Variants in TOP6BL observed in about 807,000 individuals in gnomAD.
TOP6BL encodes the protein TOP6B like initiator of meiotic double strand breaks.
At chr11:66,761,665 T>G in the TOP6BL span, 1 of 1,068,568 alleles carries the variant, frequency 9.4e-7, no homozygotes, top group Non-Finnish European at 1.4e-6. Context: ...CCAACTCATC[T>G]GCAAAAATGT....
the TOP6BL span, among the ~76,000 whole-genome samples, chr11:66,829,888 A>AAAAT: frequency 5.3e-5 from 8 of 152,220 alleles, no homozygotes; most frequent in South Asian, 6.2e-4. Flanking sequence ...CCCTGCCTCA[A>AAAAT]AAATAAATAA....
chr11:66,789,334 C>T, the TOP6BL span, among the ~76,000 whole-genome samples: 1 of 152,174 alleles, frequency 6.6e-6, no homozygotes, highest in East Asian at 1.9e-4. Context: ...ATTCTCCATT[C>T]CCTTTAACAG....
the TOP6BL span, among the ~76,000 whole-genome samples, chr11:66,840,509 T>C: frequency 9.9e-5 from 15 of 152,252 alleles, no homozygotes; most frequent in African/African-American, 3.6e-4. Flanking sequence ...CAAGCTCTCA[T>C]TTCATCAGAA....
chr11:66,797,385 T>A, the TOP6BL span, among the ~76,000 whole-genome samples: 2 of 152,200 alleles, frequency 1.3e-5, no homozygotes, highest in African/African-American at 4.8e-5. Flanking sequence ...CACTTTTTTT[T>A]ATTGCTTTAT....
At chr11:66,776,576 C>T in the TOP6BL span, among the ~76,000 whole-genome samples, 2 of 151,696 alleles carry the variant, frequency 1.3e-5, no homozygotes, top group African/African-American at 4.8e-5. Context: ...TCATTTGAGG[C>T]CAAGAGTTCG....
the TOP6BL span, chr11:66,800,706 T>G: frequency 6.3e-7 from 1 of 1,592,838 alleles, no homozygotes; most frequent in South Asian, 1.1e-5. Flanking sequence ...GGTAAGTTCT[T>G]AGGTCTATGG....
At chr11:66,796,855 C>G in the TOP6BL span, among the ~76,000 whole-genome samples, 2 of 148,410 alleles carry the variant, frequency 1.3e-5, no homozygotes, top group Non-Finnish European at 3.0e-5. Flanking sequence ...GTCCTTAAGA[C>G]AGTTGTTTTT....
At chr11:66,824,494 A>G in the TOP6BL span, among the ~76,000 whole-genome samples, 59 of 150,372 alleles carry the variant, frequency 3.9e-4, no homozygotes, top group Middle Eastern at 3.5e-3. Context: ...TGTACACAAC[A>G]TGCAGGTTAG....
chr11:66,781,266 A>G, the TOP6BL span, among the ~76,000 whole-genome samples: 13 of 151,642 alleles, frequency 8.6e-5, no homozygotes, highest in African/African-American at 2.9e-4. Context: ...TTTATTCTCC[A>G]GATTGGATAG....
chr11:66,754,111 A>G, the TOP6BL span, among the ~76,000 whole-genome samples: 1 of 152,216 alleles, frequency 6.6e-6, no homozygotes, highest in Non-Finnish European at 1.5e-5. Flanking sequence ...TTTGTTTGCG[A>G]GCACCAGCAG....
chr11:66,773,701 G>A, the TOP6BL span, among the ~76,000 whole-genome samples: 1 of 152,114 alleles, frequency 6.6e-6, no homozygotes, highest in Non-Finnish European at 1.5e-5. Flanking sequence ...ATTAGAGACA[G>A]TTCTACGCTA....
chr11:66,834,769 ACTC>A, the TOP6BL span, among the ~76,000 whole-genome samples: 5 of 152,242 alleles, frequency 3.3e-5, no homozygotes, highest in Middle Eastern at 3.4e-3. Flanking sequence ...ACAGCCTCGA[ACTC>A]CTGGGCTTAA....
chr11:66,817,464 A>G, the TOP6BL span, among the ~76,000 whole-genome samples: 1 of 152,048 alleles, frequency 6.6e-6, no homozygotes, highest in Non-Finnish European at 1.5e-5. Context: ...TTTGAGACAG[A>G]GTCTCCCTCT....
At chr11:66,796,748 C>T in the TOP6BL span, among the ~76,000 whole-genome samples, 1 of 150,202 alleles carries the variant, frequency 6.7e-6, no homozygotes, top group South Asian at 2.1e-4. Context: ...GTGCCACTGC[C>T]CTCCAGCCTA....
chr11:66,766,371 T>C, the TOP6BL span, among the ~76,000 whole-genome samples: 2 of 152,264 alleles, frequency 1.3e-5, no homozygotes, highest in African/African-American at 4.8e-5. Flanking sequence ...GCTGGATTAA[T>C]AAGCAATGAC....
chr11:66,750,351 C>G, the TOP6BL span, among the ~76,000 whole-genome samples: 1 of 151,988 alleles, frequency 6.6e-6, no homozygotes, highest in Non-Finnish European at 1.5e-5. Context: ...GGTTCGAGAT[C>G]AGCTGTCCAA....
At chr11:66,836,770 A>G in the TOP6BL span, among the ~76,000 whole-genome samples, 2 of 137,080 alleles carry the variant, frequency 1.5e-5, no homozygotes, top group African/African-American at 2.8e-5. Context: ...GAGCATTCTC[A>G]GCTCACTGCA....
chr11:66,767,375 A>G, the TOP6BL span, among the ~76,000 whole-genome samples: 10 of 152,042 alleles, frequency 6.6e-5, no homozygotes, highest in East Asian at 3.9e-4. Context: ...AGTTTGTCCT[A>G]TTTGCTCAGC....
the TOP6BL span, among the ~76,000 whole-genome samples, chr11:66,764,467 A>G: frequency 6.7e-6 from 1 of 149,670 alleles, no homozygotes; most frequent in African/African-American, 2.5e-5. Context: ...CCTGGTCAAC[A>G]TAGTGAAACC....
Sources: gnomAD v4.1 joint callset for allele counts (sites outside exome capture counted in the v4.1 genomes callset) on GRCh38, gnomAD v4.1.1 for gene constraint, MANE v1.5 for transcripts, NCBI Gene and HGNC (gene_info 2026-07-23, HGNC 2026-07-21) for gene names.